AKT3: variants seen among roughly 807,000 people sequenced by gnomAD.
The protein encoded by AKT3 is AKT serine/threonine kinase 3.
AKT3 carries 15 observed loss-of-function variants against 65.3 expected under a neutral mutation model. That is an observed-to-expected ratio of 0.23 (90% CI 0.15 to 0.35). The LOEUF (loss-of-function observed/expected upper bound fraction) is 0.35. Among genes scored for constraint, AKT3 ranks in the 10% least tolerant of loss-of-function variants. The pLI, the probability that AKT3 is intolerant of heterozygous loss-of-function variation, is 1.00. For synonymous variants in AKT3, 206 were observed against 183.8 expected (o/e 1.12, Z -0.98); for missense variants, 243 against 576.5 (o/e 0.42, Z 5.92).
intron 8 of AKT3, among the ~76,000 whole-genome samples, chr1:243,573,393 G>A (rs956139237): frequency 3.3e-5 from 5 of 152,100 alleles, no homozygotes; most frequent in Admixed American, 6.6e-5. Context: ...TAGGTATTGA[G>A]ATATTACTAA....
At chr1:243,528,405 A>G (rs758759393) in intron 12 of AKT3, among the ~76,000 whole-genome samples, 1 of 152,124 alleles carries the variant, frequency 6.6e-6, no homozygotes, top group Non-Finnish European at 1.5e-5. Context: ...TTTGGTGTAC[A>G]TGTCATTCCA....
intron 2 of AKT3, among the ~76,000 whole-genome samples, chr1:243,698,767 T>A (rs1050601796): frequency 1.3e-4 from 20 of 152,134 alleles, no homozygotes; most frequent in African/African-American, 4.3e-4. Flanking sequence ...ACAATTATAC[T>A]GTGATACTAA....
At chr1:243,613,627 T>G in intron 8 of AKT3, 44 bp downstream of exon 8, 1 of 1,392,100 alleles carries the variant, frequency 7.2e-7, no homozygotes, top group Non-Finnish European at 9.8e-7. Flanking sequence ...TTTAAAATAA[T>G]GAAAATACTA....
intron 3 of AKT3, among the ~76,000 whole-genome samples, chr1:243,690,453 T>C (rs1450615164): frequency 6.6e-6 from 1 of 152,202 alleles, no homozygotes; most frequent in Admixed American, 6.5e-5. Context: ...CTACAATCCT[T>C]AGAAATCCAT....
chr1:243,744,387 C>T (rs559605959), intron 2 of AKT3, among the ~76,000 whole-genome samples: 1 of 152,088 alleles, frequency 6.6e-6, no homozygotes, highest in Non-Finnish European at 1.5e-5. Flanking sequence ...ATTTACAGAG[C>T]CGTATTCTTA....
chr1:243,729,981 C>T (rs1316021974), intron 2 of AKT3, among the ~76,000 whole-genome samples: 1 of 152,130 alleles, frequency 6.6e-6, no homozygotes, highest in Non-Finnish European at 1.5e-5. Context: ...TGGCAGGAGG[C>T]AGACAAATTC....
At chr1:243,835,927 C>T (rs1349471733) in intron 2 of AKT3, among the ~76,000 whole-genome samples, 1 of 151,282 alleles carries the variant, frequency 6.6e-6, no homozygotes, top group Non-Finnish European at 1.5e-5. Flanking sequence ...AATAACAAGC[C>T]AATAGGAGAG....
intron 12 of AKT3, among the ~76,000 whole-genome samples, chr1:243,526,128 C>G (rs1000343508): frequency 6.6e-6 from 1 of 151,914 alleles, no homozygotes; most frequent in African/African-American, 2.4e-5. Context: ...AGGCTGTTGT[C>G]TCCAAGTTCA....
rs959276452 is a variant in AKT3 at position 243,568,771 on chromosome 1, G to C, written c.819+4155C>G. ...AGTTGTGGGGCATACCAGGTTAACTGGACAAGATGCTTGAAGCCAGAACTC... is the reference window on the plus strand; with the variant it reads ...AGTTGTGGGGCATACCAGGTTAACTCGACAAGATGCTTGAAGCCAGAACTC... On this transcript the variant is annotated intron_variant, in intron 9 of 13. Transcript: ENST00000673466. Among the ~76,000 whole-genome samples, 3 of 152,160 alleles carry C rather than the reference G, an allele frequency of 2.0e-5. No homozygotes were observed. The South Asian group carries it at 6.2e-4, about 31-fold the overall frequency.
intron 9 of AKT3, 128 bp from the exon 10 acceptor site, chr1:243,563,976 G>A (rs993421799): frequency 2.1e-5 from 16 of 760,608 alleles, no homozygotes; most frequent in African/African-American, 8.9e-5. Context: ...CTAATAGAAC[G>A]CTCAGTACTT....
intron 2 of AKT3, among the ~76,000 whole-genome samples, chr1:243,833,421 A>T (rs999632956): frequency 6.6e-6 from 1 of 151,232 alleles, no homozygotes; most frequent in Non-Finnish European, 1.5e-5. Flanking sequence ...AGGAAGGCCG[A>T]GTTAAAGGGG....
At position 243,579,749 on chromosome 1, in the gene AKT3, C is replaced by T. The variant is rs11577632; in HGVS notation, c.697-6701G>A. Reference sequence around the variant, plus strand: ...ATGGAATAGGTACACAAATGAAACACCAAAGAAATAATGAAGCAAGGAACA... The same window carrying T: ...ATGGAATAGGTACACAAATGAAACATCAAAGAAATAATGAAGCAAGGAACA... On this transcript the variant is annotated intron_variant, in intron 8 of 13. Transcript: ENST00000673466. Among the ~76,000 whole-genome samples the T allele has an allele frequency of 9.9e-3, 1,508 of 151,760 alleles. 13 individuals are homozygous for T. The highest frequency in any genetic ancestry group is 0.016 in the Non-Finnish European group (1,066 of 67,928).
intron 2 of AKT3, among the ~76,000 whole-genome samples, chr1:243,821,996 T>G (rs1403778944): frequency 6.6e-6 from 1 of 152,170 alleles, no homozygotes; most frequent in East Asian, 1.9e-4. Flanking sequence ...TGGTGCCACA[T>G]GGCACATACT....
At chr1:243,508,841 T>C (rs961673457) in intron 13 of AKT3, among the ~76,000 whole-genome samples, 1 of 150,312 alleles carries the variant, frequency 6.7e-6, no homozygotes, top group African/African-American at 2.5e-5. Flanking sequence ...AATTTTTGTA[T>C]TTTTTTTTGT....
intron 3 of AKT3, among the ~76,000 whole-genome samples, chr1:243,682,664 G>A (rs1240713120): frequency 6.6e-6 from 1 of 151,986 alleles, no homozygotes; most frequent in Admixed American, 6.6e-5. Flanking sequence ...TCTATACAGG[G>A]ATAAGGACAT....
intron 2 of AKT3, among the ~76,000 whole-genome samples, chr1:243,762,982 T>C (rs577267607): frequency 1.3e-5 from 2 of 152,198 alleles, no homozygotes; most frequent in Non-Finnish European, 2.9e-5. Context: ...ATTTTTCTAC[T>C]GAATGAAAAA....
At chr1:243,748,767 G>A (rs1210501779) in intron 2 of AKT3, among the ~76,000 whole-genome samples, 1 of 152,068 alleles carries the variant, frequency 6.6e-6, no homozygotes, top group East Asian at 1.9e-4. Context: ...AAGATTTCTG[G>A]ATAATAATTG....
chr1:243,528,663 T>C (rs1463009250), intron 12 of AKT3, among the ~76,000 whole-genome samples: 7 of 152,242 alleles, frequency 4.6e-5, no homozygotes, highest in African/African-American at 1.4e-4. Flanking sequence ...CTTGTTCTTT[T>C]TGATGACTGC....
At chr1:243,695,083 A>C (rs982802421) in intron 3 of AKT3, among the ~76,000 whole-genome samples, 2 of 151,970 alleles carry the variant, frequency 1.3e-5, no homozygotes, top group Admixed American at 6.6e-5. Flanking sequence ...TGCAAATACA[A>C]AATTTCTAAG....
Sources: gnomAD v4.1 joint callset for allele counts (sites outside exome capture counted in the v4.1 genomes callset) on GRCh38, gnomAD v4.1.1 for gene constraint, MANE v1.5 for transcripts, NCBI Gene and HGNC (gene_info 2026-07-23, HGNC 2026-07-21) for gene names.